Variants in ZNF407 observed in about 807,000 individuals in gnomAD.
ZNF407 encodes the protein zinc finger protein 407.
Under a neutral mutation model 131.2 loss-of-function variants are expected in ZNF407, and 17 were observed. The ratio of observed to expected loss-of-function variants is 0.13; its 90% confidence interval spans 0.09 to 0.19. The LOEUF is 0.19. Ranked by LOEUF, ZNF407 falls within the 10% of genes least tolerant of loss-of-function variation. The pLI is 1.00. For missense variants in ZNF407, 2,681 were observed against 2,830.6 expected (o/e 0.95, Z 1.20); for synonymous variants, 1,156 against 1,062.0 (o/e 1.09, Z -1.72).
chr18:74,962,821 G>T (rs901191255), intron 8 of ZNF407, among the ~76,000 whole-genome samples: 1 of 152,216 alleles, frequency 6.6e-6, no homozygotes, highest in Non-Finnish European at 1.5e-5. Context: ...TGGCTGTCCA[G>T]CTCTCCTACT....
chr18:75,002,653 A>T (rs1012860915), intron 8 of ZNF407, among the ~76,000 whole-genome samples: 1 of 152,020 alleles, frequency 6.6e-6, no homozygotes, highest in Non-Finnish European at 1.5e-5. Flanking sequence ...AAATACAAAA[A>T]AATTAACCGG....
intron 4 of ZNF407, chr18:74,804,699 C>A: frequency 1.4e-6 from 1 of 721,298 alleles, no homozygotes; most frequent in Non-Finnish European, 1.7e-6. Context: ...GCTTTTGTAC[C>A]ACAACCTACC....
intron 4 of ZNF407, among the ~76,000 whole-genome samples, chr18:74,839,903 G>A (rs774119668): frequency 2.0e-5 from 3 of 152,122 alleles, no homozygotes; most frequent in Admixed American, 6.5e-5. Flanking sequence ...AGAAAACACC[G>A]TTAGACTCTA....
intron 3 of ZNF407, among the ~76,000 whole-genome samples, chr18:74,755,510 G>A (rs995859928): frequency 6.8e-6 from 1 of 147,218 alleles, no homozygotes; most frequent in Non-Finnish European, 1.5e-5. Flanking sequence ...ACTCTTAATT[G>A]TATTTCATTG....
intron 8 of ZNF407, among the ~76,000 whole-genome samples, chr18:74,921,913 T>C (rs980361570): frequency 3.3e-5 from 5 of 152,262 alleles, no homozygotes; most frequent in Admixed American, 2.0e-4. Flanking sequence ...TAATTTAAGT[T>C]AGACTAGTTT....
intron 3 of ZNF407, among the ~76,000 whole-genome samples, chr18:74,656,244 C>G (rs1985451076): frequency 6.6e-6 from 1 of 151,956 alleles, no homozygotes; most frequent in Non-Finnish European, 1.5e-5. Context: ...AGTTAGGTTA[C>G]TTTACATAAA....
At chr18:74,944,440 T>C (rs1212762715) in intron 8 of ZNF407, among the ~76,000 whole-genome samples, 1 of 152,192 alleles carries the variant, frequency 6.6e-6, no homozygotes, top group Non-Finnish European at 1.5e-5. Context: ...CCACCAGCAA[T>C]GGAATCTGTA....
At chr18:74,898,789 A>G (rs1039663588) in intron 7 of ZNF407, among the ~76,000 whole-genome samples, 3 of 152,252 alleles carry the variant, frequency 2.0e-5, no homozygotes, top group East Asian at 3.8e-4. Flanking sequence ...ATGAAATGTC[A>G]TAAAACAAGA....
At chr18:74,755,100 G>A (rs1968897690) in intron 3 of ZNF407, among the ~76,000 whole-genome samples, 1 of 152,126 alleles carries the variant, frequency 6.6e-6, no homozygotes, top group South Asian at 2.1e-4. Context: ...TTACCATTAT[G>A]TAATGGCCTT....
chr18:74,870,097 T>C (rs1333275502), intron 4 of ZNF407, among the ~76,000 whole-genome samples: 1 of 152,216 alleles, frequency 6.6e-6, no homozygotes, highest in Non-Finnish European at 1.5e-5. Flanking sequence ...ATTCTCTTGG[T>C]TCTTAGTAGA....
At position 75,009,280 on chromosome 18, in the gene ZNF407, C is replaced by T. The variant is rs541138384; in HGVS notation, c.5429-53870C>T. Among the ~76,000 whole-genome samples the T allele has an allele frequency of 2.0e-5, 3 of 152,278 alleles. No individual in the cohort carries two copies. In the East Asian group the frequency reaches 5.8e-4, roughly 29 times the overall value. Reference sequence around the variant, plus strand: ...GCCTTCTTATTGGTATATAGGAAAGCTATTGACTTTTGTCTATTTTTCTTG... The same window carrying T: ...GCCTTCTTATTGGTATATAGGAAAGTTATTGACTTTTGTCTATTTTTCTTG... On this transcript the variant is annotated intron_variant, in intron 8 of 8. Transcript: ENST00000299687.
chr18:74,744,617 A>C (rs1968625124), intron 3 of ZNF407, among the ~76,000 whole-genome samples: 1 of 152,140 alleles, frequency 6.6e-6, no homozygotes, highest in Non-Finnish European at 1.5e-5. Flanking sequence ...AAATACTTGG[A>C]AGTTGATGGA....
In ZNF407 at chr18:74,942,728, T is replaced by C. The variant is rs138504136; in HGVS notation, c.5428+22036T>C. ...GGGGCGCTTCCTCTCCATGCTTGTC[T>C]GGCAGTCATGCTTTCACCCACAAAG... On this transcript the variant is annotated intron_variant, in intron 8 of 8. Transcript: ENST00000299687. Among the ~76,000 whole-genome samples the C allele has an allele frequency of 2.8e-3, 426 of 152,264 alleles. 1 individual carries two copies. Among genetic ancestry groups the C allele is most frequent in the African/African-American group, 9.4e-3 (390 of 41,556 alleles).
intron 3 of ZNF407, among the ~76,000 whole-genome samples, chr18:74,732,539 A>T (rs1043609173): frequency 6.6e-6 from 1 of 152,232 alleles, no homozygotes; most frequent in African/African-American, 2.4e-5. Flanking sequence ...AAGGGCATGG[A>T]TGCTAGTTGT....
chr18:74,769,123 G>A (rs1007320838), intron 3 of ZNF407, among the ~76,000 whole-genome samples: 7 of 152,110 alleles, frequency 4.6e-5, no homozygotes, highest in Non-Finnish European at 5.9e-5. Flanking sequence ...AGCAACCCTA[G>A]GGAAGAGAGA....
intron 3 of ZNF407, among the ~76,000 whole-genome samples, chr18:74,745,207 G>T (rs1022343383): frequency 1.3e-5 from 2 of 152,038 alleles, no homozygotes; most frequent in African/African-American, 4.8e-5. Context: ...GTACACCTAG[G>T]ATATGAATTA....
rs1228444875 is a variant in ZNF407 at position 74,945,413 on chromosome 18, C to T, written c.5428+24721C>T. ...TGTGCTGGTTTTTGTTTTTCCCTCC[C>T]TTGCAGACAGCTCGCCCATTTTATT... is the stretch of plus-strand genomic sequence containing the variant. On this transcript the variant is annotated intron_variant, in intron 8 of 8. Coordinates refer to ENST00000299687, the MANE Select transcript of ZNF407 (RefSeq NM_017757.3). Among the ~76,000 whole-genome samples the T allele has an allele frequency of 1.3e-5, 2 of 152,140 alleles. 1 individual carries two copies. The highest frequency in any genetic ancestry group is 2.9e-5 in the Non-Finnish European group (2 of 68,026).
At chr18:74,916,358 G>A (rs1297633168) in intron 7 of ZNF407, among the ~76,000 whole-genome samples, 311 of 108,082 alleles carry the variant, frequency 2.9e-3, no homozygotes, top group African/African-American at 0.014. Flanking sequence ...GTGTGTGTGC[G>A]TGCATGTGTG....
chr18:74,718,313 T>C (rs1273980406), intron 3 of ZNF407, among the ~76,000 whole-genome samples: 1 of 151,916 alleles, frequency 6.6e-6, no homozygotes, highest in African/African-American at 2.4e-5. Context: ...TAAGAGTCTT[T>C]TTGTGACCAG....
Sources: gnomAD v4.1 joint callset for allele counts (sites outside exome capture counted in the v4.1 genomes callset) on GRCh38, gnomAD v4.1.1 for gene constraint, MANE v1.5 for transcripts, NCBI Gene and HGNC (gene_info 2026-07-23, HGNC 2026-07-21) for gene names.